Variants in CLEC9A observed in about 807,000 individuals in gnomAD.
CLEC9A encodes C-type lectin domain containing 9A.
A neutral mutation model predicts 30.0 loss-of-function variants in CLEC9A; 24 were observed. That is an observed-to-expected ratio of 0.80 (90% confidence interval 0.58 to 1.13). The LOEUF (loss-of-function observed/expected upper bound fraction) is 1.13. CLEC9A is among the 50% of genes most tolerant of loss of function. The probability of loss-of-function intolerance (pLI) is 0.00; values close to 1 mark genes in which losing one functional copy is unlikely to be tolerated. For missense variants in CLEC9A, 251 were observed against 280.9 expected (o/e 0.89, Z 0.76); for synonymous variants, 111 against 96.8 (o/e 1.15, Z -0.86).
chr12:10,052,940 C>A (rs1565591917), intron 4 of CLEC9A, 162 bp downstream of exon 4: 1 of 733,848 alleles, frequency 1.4e-6, no homozygotes, highest in South Asian at 3.1e-5. Context: ...GATTAAGTAA[C>A]GGTGAAAAAT....
chr12:10,052,549 C>T, intron 3 of CLEC9A, 81 bp from the exon 4 acceptor site: 2 of 1,415,904 alleles, frequency 1.4e-6, no homozygotes, highest in Non-Finnish European at 9.3e-7. Context: ...TATTCTACTC[C>T]TTAAACACAA....
At chr12:10,048,666 A>C (rs905643836) in intron 2 of CLEC9A, among the ~76,000 whole-genome samples, 49 of 152,350 alleles carry the variant, frequency 3.2e-4, no homozygotes, top group African/African-American at 1.2e-3. Context: ...TCATCTGTTC[A>C]AGTTTCCTGG....
intron 5 of CLEC9A, among the ~76,000 whole-genome samples, chr12:10,056,881 T>C (rs977887922): frequency 6.6e-6 from 1 of 152,082 alleles, no homozygotes; most frequent in African/African-American, 2.4e-5. Context: ...CAAATAAAAG[T>C]TTTTGCTTTT....
intron 1 of CLEC9A, among the ~76,000 whole-genome samples, chr12:10,034,312 T>A (rs763312085): frequency 6.6e-6 from 1 of 152,164 alleles, no homozygotes; most frequent in Non-Finnish European, 1.5e-5. Context: ...TGGATTATCT[T>A]AAAAAAAGGA....
chr12:10,065,096 A>G (rs1866031742), intron 8 of CLEC9A, among the ~76,000 whole-genome samples: 1 of 152,174 alleles, frequency 6.6e-6, no homozygotes, highest in Admixed American at 6.5e-5. Context: ...TGTCTGATGA[A>G]TAATATAATT....
intron 5 of CLEC9A, among the ~76,000 whole-genome samples, chr12:10,058,478 T>C (rs2137312169): frequency 1.3e-5 from 2 of 152,348 alleles, no homozygotes; most frequent in Non-Finnish European, 2.9e-5. Context: ...TTTTGATTTC[T>C]GGCATTTTCT....
chr12:10,048,356 G>C (rs1865866173), intron 2 of CLEC9A, among the ~76,000 whole-genome samples: 1 of 124,090 alleles, frequency 8.1e-6, no homozygotes, highest in Non-Finnish European at 1.7e-5. Flanking sequence ...TGGTGACAGA[G>C]TGAGATTCCG....
intron 1 of CLEC9A, among the ~76,000 whole-genome samples, chr12:10,035,809 TG>T (rs1865739980): frequency 6.6e-6 from 1 of 152,180 alleles, no homozygotes; most frequent in Non-Finnish European, 1.5e-5. Context: ...TTCACCATGT[TG>T]CACAAGGTGA....
intron 1 of CLEC9A, among the ~76,000 whole-genome samples, chr12:10,040,696 C>G (rs61918594): frequency 6.6e-6 from 1 of 151,680 alleles, no homozygotes; most frequent in Non-Finnish European, 1.5e-5. Context: ...GTGATCCGCC[C>G]GCCTCAGCCT....
intron 5 of CLEC9A, chr12:10,060,845 A>T (rs780666837): frequency 4.1e-5 from 12 of 289,912 alleles, no homozygotes; most frequent in Non-Finnish European, 7.7e-5. Flanking sequence ...TCTTATGTGT[A>T]ATATTCAAAA....
intron 4 of CLEC9A, 134 bp downstream of exon 4, chr12:10,052,912 G>A (rs1865908256): frequency 1.2e-5 from 11 of 941,698 alleles, no homozygotes; most frequent in Non-Finnish European, 1.6e-5. Flanking sequence ...TCCGTGAAAT[G>A]CTAATGAAGT....
At position 10,065,705 on chromosome 12, in the gene CLEC9A, C is replaced by A. The variant is rs1307320634; in HGVS notation, c.*73C>A. ...CCATTGGAAAACCCACCCCCACCCCCCCTCAAAAAAACAGAACAGTAAACC... is the reference window on the plus strand; with the variant it reads ...CCATTGGAAAACCCACCCCCACCCCACCTCAAAAAAACAGAACAGTAAACC... On this transcript the variant is annotated 3_prime_UTR_variant, in exon 9 of 9. Transcript: ENST00000355819. 6 of 1,553,382 alleles carry A rather than the reference C, an allele frequency of 3.9e-6. No individual in the cohort carries two copies. Among genetic ancestry groups the A allele is most frequent in the East Asian group, 2.3e-5 (1 of 43,798 alleles).
intron 1 of CLEC9A, among the ~76,000 whole-genome samples, chr12:10,037,602 G>A (rs1865754433): frequency 6.6e-6 from 1 of 152,156 alleles, no homozygotes; most frequent in Non-Finnish European, 1.5e-5. Context: ...TTTGGGACAT[G>A]GGAGGAAACT....
chr12:10,032,482 C>T (rs989174519), intron 1 of CLEC9A, among the ~76,000 whole-genome samples: 4 of 150,656 alleles, frequency 2.7e-5, no homozygotes, highest in Admixed American at 6.6e-5. Context: ...TCTCCGCCTC[C>T]CGGGTTCACG....
intron 1 of CLEC9A, among the ~76,000 whole-genome samples, chr12:10,038,325 A>C (rs563015892): frequency 6.6e-6 from 1 of 152,186 alleles, no homozygotes. Flanking sequence ...AATAATTTGA[A>C]GAGTGTAGAG....
chr12:10,047,854 G>C (rs1565590667), intron 2 of CLEC9A, among the ~76,000 whole-genome samples: 1 of 152,168 alleles, frequency 6.6e-6, no homozygotes, highest in East Asian at 1.9e-4. Flanking sequence ...GTAGAGGGTC[G>C]TGCCTTGACG....
intron 8 of CLEC9A, 71 bp downstream of exon 8, chr12:10,064,924 G>T: frequency 6.6e-7 from 1 of 1,520,734 alleles, no homozygotes; most frequent in Admixed American, 2.2e-5. Flanking sequence ...ATTTCACCTT[G>T]TACCATGAAT....
At chr12:10,056,162 C>T (rs968888355) in intron 5 of CLEC9A, among the ~76,000 whole-genome samples, 8 of 145,972 alleles carry the variant, frequency 5.5e-5, no homozygotes, top group South Asian at 2.2e-4. Flanking sequence ...ATCTAGTAAA[C>T]GAAATCTTAT....
At chr12:10,035,713 TCAGGTGATCCTGC>T (rs1865738793) in intron 1 of CLEC9A, among the ~76,000 whole-genome samples, 2 of 152,160 alleles carry the variant, frequency 1.3e-5, no homozygotes, top group African/African-American at 4.8e-5. Flanking sequence ...CCTCTTGGGC[TCAGGTGATCCTGC>T]CACCTCAGCC....
Sources: gnomAD v4.1 joint callset for allele counts (sites outside exome capture counted in the v4.1 genomes callset) on GRCh38, gnomAD v4.1.1 for gene constraint, MANE v1.5 for transcripts, NCBI Gene and HGNC (gene_info 2026-07-23, HGNC 2026-07-21) for gene names.